CHMP3: variants seen among roughly 807,000 people sequenced by gnomAD.
CHMP3 encodes the protein charged multivesicular body protein 3.
A neutral mutation model predicts 27.4 loss-of-function variants in CHMP3; 8 were observed. The observed-to-expected ratio is 0.29, with a 90% CI of 0.17 to 0.53. The LOEUF (loss-of-function observed/expected upper bound fraction) is 0.53, where lower values mean the gene tolerates loss of function less well. Ranked by LOEUF, CHMP3 falls within the 20% of genes least tolerant of loss-of-function variation. The pLI, the probability that CHMP3 is intolerant of heterozygous loss-of-function variation, is 0.96. For synonymous variants in CHMP3, 86 were observed against 85.5 expected (o/e 1.01, Z -0.03); for missense variants, 208 against 271.5 (o/e 0.77, Z 1.64).
At chr2:86,553,190 C>T (rs981699369) in intron 1 of CHMP3, among the ~76,000 whole-genome samples, 2 of 148,930 alleles carry the variant, frequency 1.3e-5, no homozygotes, top group African/African-American at 5.0e-5. Context: ...CACCCTTGAA[C>T]TTAAAAGTTG....
At chr2:86,546,440 T>TA in intron 1 of CHMP3, among the ~76,000 whole-genome samples, 1 of 130,028 alleles carries the variant, frequency 7.7e-6, no homozygotes, top group Admixed American at 8.3e-5. Flanking sequence ...AAGTTGGACT[T>TA]TTTTTTTTTT....
chr2:86,531,032 T>C (rs1047258883), intron 2 of CHMP3, among the ~76,000 whole-genome samples: 7 of 152,240 alleles, frequency 4.6e-5, no homozygotes, highest in Non-Finnish European at 8.8e-5. Context: ...AGTCGTTTTA[T>C]TGTTGTGGCA....
At chr2:86,531,625 T>G (rs1675924862) in intron 2 of CHMP3, among the ~76,000 whole-genome samples, 1 of 152,182 alleles carries the variant, frequency 6.6e-6, no homozygotes, top group Non-Finnish European at 1.5e-5. Context: ...TTTGATCCAT[T>G]TGGGGTTAGT....
intron 3 of CHMP3, among the ~76,000 whole-genome samples, chr2:86,521,306 G>A (rs1573253170): frequency 6.6e-6 from 1 of 152,106 alleles, no homozygotes; most frequent in Non-Finnish European, 1.5e-5. Context: ...CTATATAAGA[G>A]CTTGGAGCTC....
At chr2:86,517,136 TATAAAA>T (rs574575980) in intron 3 of CHMP3, among the ~76,000 whole-genome samples, 1 of 152,154 alleles carries the variant, frequency 6.6e-6, no homozygotes, top group Non-Finnish European at 1.5e-5. Context: ...AATTAAAGCA[TATAAAA>T]ATAAAGTAAC....
At position 86,563,372 on chromosome 2, in the gene CHMP3, C is replaced by G. The variant is rs756070143; in HGVS notation, c.-24G>C. 4.0e-5 allele frequency: 64 copies of G among 1,612,804 alleles called. No individual in the cohort carries two copies. Among genetic ancestry groups the G allele is most frequent in the Non-Finnish European group, 5.3e-5 (62 of 1,179,404 alleles). On this transcript the variant is annotated 5_prime_UTR_variant, in exon 1 of 6. Transcript: ENST00000263856. ...ATGACGAACTGAACCCGTCTTGCCC[C>G]TTCCGGCTTTCAGTTCCCCGCGCCC...
At chr2:86,556,036 G>A (rs1208840649) in intron 1 of CHMP3, among the ~76,000 whole-genome samples, 1 of 152,066 alleles carries the variant, frequency 6.6e-6, no homozygotes, top group Non-Finnish European at 1.5e-5. Flanking sequence ...GAAATTAAAG[G>A]ACTGGAAAAA....
At chr2:86,562,183 T>C (rs561185217) in intron 1 of CHMP3, 1 of 152,312 alleles carries the variant, frequency 6.6e-6, no homozygotes, top group South Asian at 2.1e-4. Context: ...TAACGCACAT[T>C]ATGTGCCAGG....
At position 86,505,784 on chromosome 2, in the gene CHMP3, C is replaced by G. The variant is rs375928151; in HGVS notation, c.*20G>C. 5.8e-6 allele frequency: 9 copies of G among 1,555,492 alleles called. No homozygotes were observed. Among genetic ancestry groups the G allele is most frequent in the Non-Finnish European group, 7.8e-6 (9 of 1,149,258 alleles). On this transcript the variant is annotated 3_prime_UTR_variant, in exon 6 of 6. Transcript: ENST00000263856. ...AGCTCTTGAGAGGAGTGTGTGCACA[C>G]CCAGCGGGGTAGGCAGCCCCTAGCT... is the stretch of plus-strand genomic sequence containing the variant.
intron 1 of CHMP3, among the ~76,000 whole-genome samples, chr2:86,553,481 G>A (rs1573304138): frequency 1.3e-5 from 2 of 152,166 alleles, no homozygotes; most frequent in African/African-American, 2.4e-5. Flanking sequence ...ATAGGTGCAC[G>A]CCACCACGCC....
At chr2:86,561,734 G>A (rs1265571810) in intron 1 of CHMP3, 2 of 152,172 alleles carry the variant, frequency 1.3e-5, no homozygotes, top group African/African-American at 4.8e-5. Flanking sequence ...TTACCCTACT[G>A]AAGAGTGTAC....
chr2:86,560,327 T>C (rs112578039), intron 1 of CHMP3, among the ~76,000 whole-genome samples: 6,003 of 151,926 alleles, frequency 0.04, 173 homozygotes, highest in African/African-American at 0.079. Context: ...CAAATGTCCA[T>C]CAATCATAGA....
At chr2:86,513,527 G>A (rs1421482192) in intron 3 of CHMP3, among the ~76,000 whole-genome samples, 1 of 152,138 alleles carries the variant, frequency 6.6e-6, no homozygotes, top group Non-Finnish European at 1.5e-5. Flanking sequence ...GTAAATAGAG[G>A]CTTACTGATT....
intron 2 of CHMP3, among the ~76,000 whole-genome samples, chr2:86,536,858 C>T (rs1004098975): frequency 6.6e-6 from 1 of 152,096 alleles, no homozygotes; most frequent in African/African-American, 2.4e-5. Context: ...TTGATGATGT[C>T]TGACAGGTCT....
chr2:86,549,380 G>A (rs1385964389), intron 1 of CHMP3, among the ~76,000 whole-genome samples: 3 of 148,394 alleles, frequency 2.0e-5, no homozygotes, highest in Non-Finnish European at 1.5e-5. Flanking sequence ...TGGGGTGGCG[G>A]CTGGGCAGAG....
chr2:86,540,121 G>A (rs1033869029), intron 2 of CHMP3, among the ~76,000 whole-genome samples: 5 of 151,742 alleles, frequency 3.3e-5, no homozygotes, highest in South Asian at 2.1e-4. Context: ...TTATCTTTTC[G>A]GTTTTCAGTA....
At position 86,563,363 on chromosome 2, in the gene CHMP3, G is replaced by C. The variant is rs754206739; in HGVS notation, c.-15C>G. The stretch of plus-strand genomic sequence containing the variant: ...AACAGCCCCATGACGAACTGAACCC[G>C]TCTTGCCCCTTCCGGCTTTCAGTTC... On this transcript the variant is annotated 5_prime_UTR_variant, in exon 1 of 6. Transcript: ENST00000263856. 2 of 1,613,572 alleles carry C rather than the reference G, an allele frequency of 1.2e-6. No individual in the cohort carries two copies. Among genetic ancestry groups the C allele is most frequent in the Non-Finnish European group, 1.7e-6 (2 of 1,179,632 alleles).
At chr2:86,542,692 T>C (rs1676413428) in intron 1 of CHMP3, 1 of 166,466 alleles carries the variant, frequency 6.0e-6, no homozygotes, top group South Asian at 1.7e-4. Flanking sequence ...ACTCTGTCTG[T>C]GTCATGAGAA....
intron 1 of CHMP3, among the ~76,000 whole-genome samples, chr2:86,549,074 GGGT>G (rs1330789984): frequency 5.5e-5 from 8 of 146,768 alleles, no homozygotes; most frequent in South Asian, 2.2e-4. Context: ...TTCCCAGACG[GGGT>G]GGCGGCCGGG....
Sources: gnomAD v4.1 joint callset for allele counts (sites outside exome capture counted in the v4.1 genomes callset) on GRCh38, gnomAD v4.1.1 for gene constraint, MANE v1.5 for transcripts, NCBI Gene and HGNC (gene_info 2026-07-23, HGNC 2026-07-21) for gene names.